XNDC1N: variants seen among roughly 807,000 people sequenced by gnomAD.
XNDC1N encodes XRCC1 N-terminal domain containing 1, N-terminal like.
chr11:71,894,158 C>G, the XNDC1N span: 1 of 652,092 alleles, frequency 1.5e-6, no homozygotes. Flanking sequence ...AGGATTTCAT[C>G]GTCAGATGGG....
the XNDC1N span, among the ~76,000 whole-genome samples, chr11:71,907,521 T>C: frequency 2.6e-5 from 4 of 152,060 alleles, no homozygotes; most frequent in South Asian, 8.3e-4. Flanking sequence ...GTTTAACATA[T>C]TGTGAGTAAT....
chr11:71,916,784 C>A, the XNDC1N span: 1 of 157,830 alleles, frequency 6.3e-6, no homozygotes, highest in Non-Finnish European at 1.4e-5. Flanking sequence ...TCCTTTACAA[C>A]ATTACAAATA....
At chr11:71,894,593 T>A in the XNDC1N span, among the ~76,000 whole-genome samples, 2 of 152,214 alleles carry the variant, frequency 1.3e-5, no homozygotes, top group African/African-American at 4.8e-5. Flanking sequence ...CTGGGATCCT[T>A]TGTTTAGCAG....
chr11:71,915,002 G>A, the XNDC1N span, among the ~76,000 whole-genome samples: 1 of 152,286 alleles, frequency 6.6e-6, no homozygotes, highest in African/African-American at 2.4e-5. Context: ...ATGCTACAGA[G>A]AACTCTTTCA....
chr11:71,907,584 G>A, the XNDC1N span, among the ~76,000 whole-genome samples: 26 of 152,100 alleles, frequency 1.7e-4, no homozygotes, highest in African/African-American at 5.5e-4. Flanking sequence ...CTGTACACCC[G>A]TCTGTATTGG....
At chr11:71,900,988 C>T in the XNDC1N span, among the ~76,000 whole-genome samples, 29 of 152,320 alleles carry the variant, frequency 1.9e-4, no homozygotes, top group African/African-American at 6.0e-4. Context: ...GTCACTCAGG[C>T]GGATGCCCCT....
At chr11:71,894,542 T>A in the XNDC1N span, 1 of 155,564 alleles carries the variant, frequency 6.4e-6, no homozygotes. Context: ...TTGTGAATAT[T>A]GCTTTCTTCG....
chr11:71,913,879 T>G, the XNDC1N span, among the ~76,000 whole-genome samples: 4 of 152,288 alleles, frequency 2.6e-5, no homozygotes, highest in South Asian at 8.3e-4. Flanking sequence ...ACTCTGCCTG[T>G]GCTCTATAAA....
chr11:71,891,618 TC>T, the XNDC1N span, among the ~76,000 whole-genome samples: 1 of 152,138 alleles, frequency 6.6e-6, no homozygotes, highest in Non-Finnish European at 1.5e-5. Context: ...GCAATATCAT[TC>T]TTTTCCTTTC....
the XNDC1N span, among the ~76,000 whole-genome samples, chr11:71,911,535 G>A: frequency 0.032 from 4,882 of 152,216 alleles, 76 homozygotes; most frequent in East Asian, 0.076. Flanking sequence ...AAGCCACATC[G>A]TTGCCCCAGG....
chr11:71,887,687 C>T, the XNDC1N span, among the ~76,000 whole-genome samples: 7 of 152,180 alleles, frequency 4.6e-5, no homozygotes, highest in Non-Finnish European at 7.3e-5. Flanking sequence ...TGTTCCTTGT[C>T]GGTCTCCATG....
the XNDC1N span, among the ~76,000 whole-genome samples, chr11:71,881,438 C>T: frequency 6.6e-6 from 1 of 152,124 alleles, no homozygotes; most frequent in Non-Finnish European, 1.5e-5. Context: ...AGTTATAAGT[C>T]TAAGATCAAG....
chr11:71,883,833 C>T, the XNDC1N span, among the ~76,000 whole-genome samples: 1 of 152,184 alleles, frequency 6.6e-6, no homozygotes, highest in Non-Finnish European at 1.5e-5. Context: ...AGCCCGAATA[C>T]ACTGGGAAGC....
chr11:71,921,961 A>C, the XNDC1N span, among the ~76,000 whole-genome samples: 5 of 152,228 alleles, frequency 3.3e-5, no homozygotes, highest in East Asian at 9.7e-4. Flanking sequence ...GGACTTTGAG[A>C]CCAGCCTGGC....
the XNDC1N span, among the ~76,000 whole-genome samples, chr11:71,898,340 C>T: frequency 2.6e-5 from 4 of 152,140 alleles, no homozygotes; most frequent in East Asian, 3.8e-4. Flanking sequence ...GTCTCAGTGG[C>T]TCGCACATGT....
chr11:71,898,222 AAAC>A, the XNDC1N span, among the ~76,000 whole-genome samples: 1 of 151,954 alleles, frequency 6.6e-6, no homozygotes, highest in Non-Finnish European at 1.5e-5. Flanking sequence ...ATGAAAAAAA[AAAC>A]AACAAAAACA....
chr11:71,869,973 T>G, the XNDC1N span, among the ~76,000 whole-genome samples: 1 of 152,172 alleles, frequency 6.6e-6, no homozygotes, highest in African/African-American at 2.4e-5. Flanking sequence ...AGGTTTAATT[T>G]GCTCACAATT....
At chr11:71,879,636 T>A in the XNDC1N span, among the ~76,000 whole-genome samples, 11,098 of 152,148 alleles carry the variant, frequency 0.073, 652 homozygotes, top group African/African-American at 0.16. Context: ...TTTACCATAA[T>A]ATTCATTGCC....
the XNDC1N span, chr11:71,893,503 C>T: frequency 1.4e-5 from 11 of 772,724 alleles, no homozygotes; most frequent in Non-Finnish European, 2.6e-5. Context: ...AGAATTCCTC[C>T]TCCTGGGACT....
Sources: allele counts gnomAD v4.1 joint callset (sites outside exome capture counted in the v4.1 genomes callset), GRCh38; gene constraint gnomAD v4.1.1; transcripts MANE v1.5; gene names NCBI Gene and HGNC (gene_info 2026-07-23, HGNC 2026-07-21).